GPALPP1: variants seen among roughly 807,000 people sequenced by gnomAD.
The protein encoded by GPALPP1 is GPALPP motifs-containing protein 1.
GPALPP1 carries 30 observed loss-of-function variants against 38.9 expected under a neutral mutation model. The ratio of observed to expected loss-of-function variants is 0.77; its 90% CI spans 0.58 to 1.05. The LOEUF (loss-of-function observed/expected upper bound fraction) is 1.05, where lower values mean the gene tolerates loss of function less well. Ranked by LOEUF, GPALPP1 falls within the 50% of genes least tolerant of loss-of-function variation. GPALPP1 has a pLI of 0.00. For missense variants in GPALPP1, 384 were observed against 408.8 expected (o/e 0.94, Z 0.52); for synonymous variants, 120 against 139.2 (o/e 0.86, Z 0.97).
intron 7 of GPALPP1, 75 bp from the exon 8 acceptor site, chr13:45,027,710 C>T (rs537729484): frequency 8.5e-6 from 6 of 706,246 alleles, no homozygotes; most frequent in South Asian, 5.7e-5. Context: ...CTATCTATTC[C>T]GTTTCATGGT....
downstream of GPALPP1, among the ~76,000 whole-genome samples, chr13:45,032,626 G>A (rs1032380929): frequency 1.3e-4 from 19 of 151,170 alleles, no homozygotes; most frequent in African/African-American, 3.9e-4. Context: ...GGCTGGTCTC[G>A]AACTCCTGAC....
chr13:44,996,637 C>T (rs900123393), intron 1 of GPALPP1, among the ~76,000 whole-genome samples: 5 of 151,946 alleles, frequency 3.3e-5, no homozygotes, highest in Non-Finnish European at 1.5e-5. Context: ...GATGCACCCT[C>T]ACATCTGGCT....
At chr13:44,993,701 G>A (rs926198108) in intron 1 of GPALPP1, among the ~76,000 whole-genome samples, 17 of 150,872 alleles carry the variant, frequency 1.1e-4, no homozygotes, top group Non-Finnish European at 1.5e-5. Flanking sequence ...AAAAAAATTT[G>A]AGGAACTAGC....
At position 45,020,433 on chromosome 13, in the gene GPALPP1, G is replaced by C. The variant is rs1168526706; in HGVS notation, c.804+5G>C. 8.5e-7 allele frequency: 1 copy of C among 1,175,256 alleles called. No homozygotes were observed. The highest frequency in any genetic ancestry group is 1.7e-5 in the Admixed American group (1 of 58,780). The allele number at this position is 1,175,256 out of a possible 1,614,324, so 72.8% of individuals were successfully genotyped here. ...GAGCAGGTATCTTCATACAATGTAAGTAAGAAAATAAGATATATAGAGCCA... is the reference window on the plus strand; with the variant it reads ...GAGCAGGTATCTTCATACAATGTAACTAAGAAAATAAGATATATAGAGCCA... On this transcript the variant is annotated splice_donor_5th_base_variant and intron_variant, in intron 7 of 7. Transcript: ENST00000379151.
chr13:45,020,338 A>G lies in GPALPP1; in HGVS notation c.714A>G (p.Gln238=). 7.1e-7 allele frequency: 1 copy of G among 1,410,316 alleles called. No individual in the cohort carries two copies. The highest frequency in any genetic ancestry group is 1.0e-6 in the Non-Finnish European group (1 of 995,740). The allele number at this position is 1,410,316 out of a possible 1,614,324, so 87.4% of individuals were successfully genotyped here. A position where few individuals can be genotyped will look rare whatever the true frequency, so the allele number is the denominator to read the frequency against. Residue 238 remains glutamine (Q), a synonymous_variant, in exon 7 of 8, where the codon CAA becomes CAG. Transcript: ENST00000379151. ...ADRERKAKET[Q]EARKSSSKKD... is the part of the protein sequence containing the mutation. ...CTGTGTTCATTCCTCAGGAAACACA[A>G]GAAGCAAGGAAGTCATCCAGTAAGA...
chr13:45,017,168 T>C (rs1303463389), intron 6 of GPALPP1, among the ~76,000 whole-genome samples: 1 of 152,250 alleles, frequency 6.6e-6, no homozygotes, highest in Non-Finnish European at 1.5e-5. Context: ...TTTCAGGTGA[T>C]AGAAAGAGTC....
At chr13:45,008,718 T>C in intron 3 of GPALPP1, 77 bp from the exon 4 acceptor site, 1 of 753,622 alleles carries the variant, frequency 1.3e-6, no homozygotes, top group Admixed American at 2.5e-5. Flanking sequence ...TTTGGCTTTA[T>C]TATTTTTGTG....
chr13:45,023,918 C>G (rs1875592544), intron 7 of GPALPP1, among the ~76,000 whole-genome samples: 1 of 152,118 alleles, frequency 6.6e-6, no homozygotes, highest in Admixed American at 6.5e-5. Context: ...GGCATCCTGT[C>G]TCCTATTAAT....
chr13:45,003,614 C>T (rs1269428009), intron 1 of GPALPP1, among the ~76,000 whole-genome samples: 1 of 152,138 alleles, frequency 6.6e-6, no homozygotes, highest in East Asian at 1.9e-4. Context: ...TCATCAGTGA[C>T]ATCATGACAC....
Position 45,015,437 on chromosome 13 carries a change from A to T in GPALPP1, c.546A>T (p.Ser182=), listed in dbSNP as rs760511938. The stretch of plus-strand genomic sequence containing the variant: ...GTTTTTTTTTTCTCTTAAAGGATTC[A>T]TCTAAACCCATTGTAAGAGAGTCAT... The part of the protein sequence containing the change: ...KEKLTKGDDD[S]SKPIVRESWM... The change falls in exon 6 of 8, where the codon TCA becomes TCT. Residue 182 remains serine, a synonymous_variant. Transcript: ENST00000379151. 24 of 1,581,562 alleles carry T rather than the reference A, an allele frequency of 1.5e-5. No homozygotes were observed. The highest frequency in any genetic ancestry group is 2.1e-5 in the Non-Finnish European group (24 of 1,166,154).
At position 45,005,086 on chromosome 13, in the gene GPALPP1, CTTTTTTTTTTTTTTTTTTT is replaced by C. The variant is rs71759613; in HGVS notation, c.221+661_221+679del. On this transcript the variant is annotated intron_variant, in intron 2 of 7. Coordinates refer to ENST00000379151, the MANE Select transcript of GPALPP1 (RefSeq NM_018559.5). ...TTTCTTTAAATAAACTAATGGTTTT[CTTTTTTTTTTTTTTTTTTT>C]TTTTTTTTTTTGAGATGAAGTCTCA... 1.9e-4 allele frequency: 11 copies of C among 57,484 alleles called. No homozygotes were observed. In the Admixed American group the frequency reaches 3.0e-3, roughly 16 times the overall value. The allele number at this position is 57,484 out of a possible 1,614,324, so 3.6% of individuals were successfully genotyped here. A position where few individuals can be genotyped will look rare whatever the true frequency, so the allele number is the denominator to read the frequency against.
intron 1 of GPALPP1, among the ~76,000 whole-genome samples, chr13:45,000,374 G>A (rs1443497741): frequency 6.6e-6 from 1 of 152,166 alleles, no homozygotes; most frequent in Non-Finnish European, 1.5e-5. Flanking sequence ...AGGTTACAGT[G>A]AGCCATGATC....
intron 4 of GPALPP1, among the ~76,000 whole-genome samples, chr13:45,010,469 A>T (rs545009586): frequency 1.3e-5 from 2 of 152,244 alleles, no homozygotes; most frequent in African/African-American, 4.8e-5. Flanking sequence ...TGGCTCCATA[A>T]TAACAGAGAT....
intron 1 of GPALPP1, among the ~76,000 whole-genome samples, chr13:45,000,885 C>A (rs753119060): frequency 3.9e-5 from 6 of 152,158 alleles, no homozygotes; most frequent in Non-Finnish European, 8.8e-5. Flanking sequence ...CGCAGCATGC[C>A]TTAGAGTTAT....
chr13:44,989,740 C>T lies in GPALPP1; in HGVS notation c.86C>T (p.Pro29Leu), dbSNP rs1872634686. 6.2e-7 allele frequency: 1 copy of T among 1,606,790 alleles called. No individual in the cohort carries two copies. Among genetic ancestry groups the T allele is most frequent in the Non-Finnish European group, 8.5e-7 (1 of 1,178,532 alleles). Reference sequence around the variant, plus strand: ...GAGGACGAAGAGCGGGACCCGAGCCCTGGTAAGCGGCGGCGTCTCCGCTGC... The same window carrying T: ...GAGGACGAAGAGCGGGACCCGAGCCTTGGTAAGCGGCGGCGTCTCCGCTGC... ...TAEDEERDPS[P>L]VAGPALPPNY... The change falls in exon 1 of 8, where the codon CCT becomes CTT. Residue 29 changes from proline (P) to leucine (L), a missense_variant and splice_region_variant. Pro to Leu is a moderately conservative substitution (Grantham distance 98). Coordinates refer to ENST00000379151, the MANE Select transcript of GPALPP1 (RefSeq NM_018559.5).
chr13:45,026,114 T>A (rs1401992455), intron 7 of GPALPP1, among the ~76,000 whole-genome samples: 1 of 152,164 alleles, frequency 6.6e-6, no homozygotes, highest in African/African-American at 2.4e-5. Context: ...ATTTTTTTTT[T>A]ATCTCCTTCA....
chr13:45,010,480 T>C (rs1261595876), intron 4 of GPALPP1, among the ~76,000 whole-genome samples: 1 of 152,194 alleles, frequency 6.6e-6, no homozygotes, highest in Non-Finnish European at 1.5e-5. Flanking sequence ...TAACAGAGAT[T>C]TTTTTTATCT....
chr13:44,996,810 C>CTTT (rs1566072232), intron 1 of GPALPP1, among the ~76,000 whole-genome samples: 1 of 86,412 alleles, frequency 1.2e-5, no homozygotes, highest in Non-Finnish European at 2.0e-5. Context: ...TTTTTTTTTT[C>CTTT]CAGTTTTTAA....
intron 3 of GPALPP1, among the ~76,000 whole-genome samples, chr13:45,007,812 TG>T (rs1318410377): frequency 1.3e-5 from 2 of 152,168 alleles, no homozygotes; most frequent in East Asian, 3.9e-4. Flanking sequence ...GTGACAACTA[TG>T]GAAAAAACAT....
Sources: gnomAD v4.1 joint callset for allele counts (sites outside exome capture counted in the v4.1 genomes callset) on GRCh38, gnomAD v4.1.1 for gene constraint, MANE v1.5 for transcripts, NCBI Gene and HGNC (gene_info 2026-07-23, HGNC 2026-07-21) for gene names.